The following MACROD2 variants were observed in gnomAD, a reference collection of about 807,000 sequenced individuals.
MACROD2 encodes ADP-ribose glycohydrolase MACROD2.
In MACROD2, 36 loss-of-function variants were observed where a neutral mutation model predicts 70.4. The ratio of observed to expected loss-of-function variants is 0.51; its 90% CI spans 0.39 to 0.68. The LOEUF (loss-of-function observed/expected upper bound fraction) is 0.68, where lower values mean the gene tolerates loss of function less well. MACROD2 is among the 30% of genes least tolerant of loss of function. The pLI, the probability that MACROD2 is intolerant of heterozygous loss-of-function variation, is 0.00. For synonymous variants in MACROD2, 172 were observed against 178.8 expected (o/e 0.96, Z 0.30); for missense variants, 496 against 538.4 (o/e 0.92, Z 0.78).
At chr20:15,661,574 C>A (rs933388292) in intron 8 of MACROD2, among the ~76,000 whole-genome samples, 2 of 152,144 alleles carry the variant, frequency 1.3e-5, no homozygotes, top group African/African-American at 4.8e-5. Context: ...CCAAACACAT[C>A]CCAGTAGGAC....
chr20:14,775,306 G>T (rs942836838), intron 5 of MACROD2, among the ~76,000 whole-genome samples: 6 of 151,948 alleles, frequency 3.9e-5, no homozygotes, highest in Admixed American at 6.6e-5. Flanking sequence ...CCTGAGGCGG[G>T]GTAATTTATT....
intron 4 of MACROD2, among the ~76,000 whole-genome samples, chr20:14,610,575 A>G (rs1222650532): frequency 6.6e-6 from 1 of 152,120 alleles, no homozygotes; most frequent in Admixed American, 6.6e-5. Flanking sequence ...TGTTTTATTC[A>G]TGAGTAAGTA....
chr20:15,164,640 A>G (rs2076370717), intron 5 of MACROD2, among the ~76,000 whole-genome samples: 1 of 152,180 alleles, frequency 6.6e-6, no homozygotes, highest in African/African-American at 2.4e-5. Flanking sequence ...TCATGCCTGT[A>G]ATGCTGGTAC....
intron 5 of MACROD2, chr20:14,895,223 G>C (rs2073813030): frequency 1.3e-5 from 2 of 152,226 alleles, no homozygotes. Context: ...TTATAGAAGA[G>C]AGCAAGCAAA....
intron 6 of MACROD2, among the ~76,000 whole-genome samples, chr20:15,282,416 A>G (rs2077453969): frequency 6.6e-6 from 1 of 152,204 alleles, no homozygotes. Flanking sequence ...TCCAAACCAC[A>G]TCTTTGTGAA....
chr20:14,825,020 A>G (rs1482320606), intron 5 of MACROD2, among the ~76,000 whole-genome samples: 3 of 152,028 alleles, frequency 2.0e-5, no homozygotes, highest in Non-Finnish European at 2.9e-5. Context: ...CCATGTTTCA[A>G]TCTACCTCTG....
At chr20:14,488,690 G>A (rs1021183390) in intron 3 of MACROD2, among the ~76,000 whole-genome samples, 3 of 152,126 alleles carry the variant, frequency 2.0e-5, no homozygotes, top group African/African-American at 7.2e-5. Context: ...GTTCTTCTGG[G>A]TCTGATCCTA....
At chr20:14,552,401 C>T (rs1978718638) in intron 4 of MACROD2, among the ~76,000 whole-genome samples, 1 of 150,664 alleles carries the variant, frequency 6.6e-6, no homozygotes, top group African/African-American at 2.4e-5. Flanking sequence ...CCCTCCATCC[C>T]AAAATAGATT....
At chr20:15,630,363 A>G (rs1284827186) in intron 8 of MACROD2, among the ~76,000 whole-genome samples, 1 of 152,230 alleles carries the variant, frequency 6.6e-6, no homozygotes, top group East Asian at 1.9e-4. Context: ...AATGTTGTGC[A>G]TCTGAACTTG....
intron 5 of MACROD2, among the ~76,000 whole-genome samples, chr20:15,180,950 ACTT>A (rs2076496291): frequency 6.6e-6 from 1 of 152,212 alleles, no homozygotes. Flanking sequence ...TACTACAGTG[ACTT>A]CTTAATGATT....
intron 3 of MACROD2, among the ~76,000 whole-genome samples, chr20:14,260,926 G>T (rs1311258387): frequency 6.6e-6 from 1 of 152,130 alleles, no homozygotes; most frequent in Non-Finnish European, 1.5e-5. Flanking sequence ...ACAGATTTGT[G>T]GTATTCTTTC....
intron 8 of MACROD2, among the ~76,000 whole-genome samples, chr20:15,652,726 CT>C (rs768477236): frequency 4.4e-4 from 65 of 146,378 alleles, no homozygotes; most frequent in Admixed American, 6.2e-4. Context: ...TTTCCTAGCT[CT>C]TTTTTTTTTT....
At chr20:14,628,879 G>A (rs749851200) in intron 4 of MACROD2, 1 of 152,172 alleles carries the variant, frequency 6.6e-6, no homozygotes, top group Non-Finnish European at 1.5e-5. Context: ...TCTTACCCAA[G>A]ATAAATAATC....
At chr20:15,956,732 C>G (rs777417846) in intron 12 of MACROD2, among the ~76,000 whole-genome samples, 4 of 152,144 alleles carry the variant, frequency 2.6e-5, no homozygotes, top group African/African-American at 9.7e-5. Context: ...GGATCTGAAG[C>G]TCTGGGGTTG....
intron 5 of MACROD2, among the ~76,000 whole-genome samples, chr20:15,206,320 AT>A (rs1214744243): frequency 6.6e-6 from 1 of 152,158 alleles, no homozygotes; most frequent in African/African-American, 2.4e-5. Context: ...AAAAATTTCC[AT>A]TACTTATGTT....
At chr20:14,660,837 T>TA (rs1390749764) in intron 4 of MACROD2, among the ~76,000 whole-genome samples, 1 of 152,130 alleles carries the variant, frequency 6.6e-6, no homozygotes, top group African/African-American at 2.4e-5. Context: ...TGACGTAGTG[T>TA]AATGGCCTCC....
chr20:14,654,861 C>T (rs1382194998), intron 4 of MACROD2, among the ~76,000 whole-genome samples: 1 of 152,108 alleles, frequency 6.6e-6, no homozygotes, highest in East Asian at 1.9e-4. Flanking sequence ...GATAAATTAA[C>T]TACAATACCT....
chr20:15,250,666 G>GCCATCCATC, intron 6 of MACROD2, among the ~76,000 whole-genome samples: 1 of 152,268 alleles, frequency 6.6e-6, no homozygotes, highest in Admixed American at 6.5e-5. Context: ...CATCCTCTGT[G>GCCATCCATC]TTTAGGGGGA....
At chr20:15,383,154 T>C (rs1376990021) in intron 6 of MACROD2, among the ~76,000 whole-genome samples, 2 of 152,198 alleles carry the variant, frequency 1.3e-5, no homozygotes, top group Admixed American at 6.5e-5. Context: ...AAGTTGAAAT[T>C]TGAACACCAG....
Sources: gnomAD v4.1 joint callset for allele counts (sites outside exome capture counted in the v4.1 genomes callset) on GRCh38, gnomAD v4.1.1 for gene constraint, MANE v1.5 for transcripts, NCBI Gene and HGNC (gene_info 2026-07-23, HGNC 2026-07-21) for gene names.